GRIA3: variants seen among roughly 807,000 people sequenced by gnomAD.
GRIA3 encodes the protein glutamate receptor 3.
A neutral mutation model predicts 63.0 loss-of-function variants in GRIA3; 3 were observed. The ratio of observed to expected loss-of-function variants is 0.05; its 90% CI spans 0.02 to 0.12. The LOEUF (loss-of-function observed/expected upper bound fraction) is 0.12. Ranked by LOEUF, GRIA3 falls within the 10% of genes least tolerant of loss-of-function variation. GRIA3 has a pLI of 1.00. For missense variants in GRIA3, 347 were observed against 700.9 expected, an observed-to-expected ratio of 0.50 and a Z score of 5.70; for synonymous variants, 274 against 257.9, an observed-to-expected ratio of 1.06 and a Z score of -0.60.
At chrX:123,430,779 T>C (rs2045613300) in intron 12 of GRIA3, among the ~76,000 whole-genome samples, 1 of 110,623 alleles carries the variant, frequency 9.0e-6, no homozygotes, top group South Asian at 3.9e-4. Flanking sequence ...GCTCAGGAGA[T>C]TGAGACCAGC....
chrX:123,321,435 T>G (rs902898154), intron 3 of GRIA3, among the ~76,000 whole-genome samples: 2 of 112,061 alleles, frequency 1.8e-5, no homozygotes, highest in African/African-American at 6.5e-5. Context: ...GATTCACAGC[T>G]GACAGCAGGT....
intron 4 of GRIA3, among the ~76,000 whole-genome samples, chrX:123,328,030 CTT>C (rs1470215533): frequency 9.0e-6 from 1 of 111,325 alleles, no homozygotes; most frequent in African/African-American, 3.3e-5. Context: ...GTATTAGTGA[CTT>C]TGGCTTCTTA....
At chrX:123,300,719 T>C (rs1205065528) in intron 3 of GRIA3, among the ~76,000 whole-genome samples, 2 of 109,917 alleles carry the variant, frequency 1.8e-5, no homozygotes, top group African/African-American at 3.3e-5. Context: ...GCTTTGGTAT[T>C]TGTTTGCTTC....
chrX:123,291,210 C>T (rs1023873345), intron 3 of GRIA3, among the ~76,000 whole-genome samples: 1 of 111,140 alleles, frequency 9.0e-6, no homozygotes, highest in African/African-American at 3.3e-5. Context: ...AACTGAATAG[C>T]CAGGAACTGA....
chrX:123,234,233 G>T lies in GRIA3; in HGVS notation c.269-19070G>T, dbSNP rs367543569. On this transcript the variant is annotated intron_variant, in intron 2 of 15. Transcript: ENST00000620443. ...TGACCCCCTTACAAACTGGCCCTATGACTCTGGCTTAAGCAGGCCACAGAA... is the reference window on the plus strand; with the variant it reads ...TGACCCCCTTACAAACTGGCCCTATTACTCTGGCTTAAGCAGGCCACAGAA... Among the ~76,000 whole-genome samples the T allele has an allele frequency of 1.3e-3, 144 of 111,024 alleles. 2 individuals are homozygous for T. The highest frequency in any genetic ancestry group is 4.2e-3 in the African/African-American group (127 of 30,542).
At chrX:123,429,139 G>GA (rs1371276900) in intron 12 of GRIA3, among the ~76,000 whole-genome samples, 37 of 111,621 alleles carry the variant, frequency 3.3e-4, no homozygotes, top group African/African-American at 1.1e-3. Context: ...CAAGTTATTG[G>GA]ATGACAGATA....
At chrX:123,255,703 T>C (rs1266866053) in intron 3 of GRIA3, among the ~76,000 whole-genome samples, 3 of 108,494 alleles carry the variant, frequency 2.8e-5, no homozygotes, top group Non-Finnish European at 5.7e-5. Flanking sequence ...TCTAACTAAA[T>C]AGTTTGGACA....
At chrX:123,429,871 G>T (rs1423384735) in intron 12 of GRIA3, among the ~76,000 whole-genome samples, 1 of 112,101 alleles carries the variant, frequency 8.9e-6, no homozygotes, top group Non-Finnish European at 1.9e-5. Flanking sequence ...AGAAAGTTGT[G>T]CTTTAAATGG....
chrX:123,408,734 C>T (rs2045489517), intron 10 of GRIA3, among the ~76,000 whole-genome samples: 1 of 112,166 alleles, frequency 8.9e-6, no homozygotes, highest in African/African-American at 3.2e-5. Context: ...AAATGTCCTC[C>T]TCCTTCCCCT....
chrX:123,346,437 C>A (rs1368289626), intron 4 of GRIA3, among the ~76,000 whole-genome samples: 1 of 112,021 alleles, frequency 8.9e-6, no homozygotes, highest in Non-Finnish European at 1.9e-5. Context: ...CAATAAAAAT[C>A]TTTCCCCTAG....
intron 11 of GRIA3, among the ~76,000 whole-genome samples, chrX:123,419,878 T>C (rs1331484782): frequency 9.0e-6 from 1 of 111,199 alleles, no homozygotes; most frequent in Non-Finnish European, 1.9e-5. Flanking sequence ...AATTGGATCG[T>C]GATGATAGTT....
intron 2 of GRIA3, among the ~76,000 whole-genome samples, chrX:123,204,077 C>T (rs1426020069): frequency 8.9e-6 from 1 of 112,194 alleles, no homozygotes; most frequent in East Asian, 2.8e-4. Flanking sequence ...CAAGGCTCAA[C>T]TTTTAAGTTG....
At chrX:123,439,666 T>C (rs2045662977) in intron 12 of GRIA3, among the ~76,000 whole-genome samples, 1 of 110,983 alleles carries the variant, frequency 9.0e-6, no homozygotes, top group Non-Finnish European at 1.9e-5. Context: ...CTTGAGGGCA[T>C]TATGCTAAGA....
intron 3 of GRIA3, among the ~76,000 whole-genome samples, chrX:123,291,742 C>T (rs188508668): frequency 9.1e-6 from 1 of 110,390 alleles, no homozygotes; most frequent in Admixed American, 9.7e-5. Flanking sequence ...TGGCCCGCCT[C>T]CTCAATATCA....
intron 4 of GRIA3, among the ~76,000 whole-genome samples, chrX:123,346,463 A>G (rs1172531524): frequency 8.9e-6 from 1 of 112,020 alleles, no homozygotes; most frequent in Non-Finnish European, 1.9e-5. Context: ...AAGCACTGTA[A>G]AAGAGCAAGG....
chrX:123,218,779 A>AT (rs996346633), intron 2 of GRIA3, among the ~76,000 whole-genome samples: 1 of 110,070 alleles, frequency 9.1e-6, no homozygotes, highest in Non-Finnish European at 1.9e-5. Context: ...ATTGGGACCC[A>AT]TTTTTTTCCT....
At chrX:123,423,658 G>C (rs2045574743) in intron 11 of GRIA3, among the ~76,000 whole-genome samples, 1 of 111,680 alleles carries the variant, frequency 9.0e-6, no homozygotes, top group South Asian at 3.7e-4. Flanking sequence ...GCATTAAATG[G>C]AGTATAGAAA....
At chrX:123,313,324 G>T (rs918342586) in intron 3 of GRIA3, among the ~76,000 whole-genome samples, 6 of 111,220 alleles carry the variant, frequency 5.4e-5, no homozygotes, top group African/African-American at 1.6e-4. Flanking sequence ...CTTGTCTTCC[G>T]CAAGAGAACA....
intron 5 of GRIA3, among the ~76,000 whole-genome samples, chrX:123,366,358 G>A (rs773467116): frequency 9.0e-5 from 10 of 110,774 alleles, no homozygotes; most frequent in African/African-American, 2.6e-4. Context: ...GTTCTCCTTC[G>A]TAGAAGGATG....
Sources: gnomAD v4.1 joint callset for allele counts (sites outside exome capture counted in the v4.1 genomes callset) on GRCh38, gnomAD v4.1.1 for gene constraint, MANE v1.5 for transcripts, NCBI Gene and HGNC (gene_info 2026-07-23, HGNC 2026-07-21) for gene names.